TMEM217: variants seen among roughly 807,000 people sequenced by gnomAD.
TMEM217 encodes transmembrane protein 217.
For synonymous variants in TMEM217, 76 were observed against 88.3 expected (o/e 0.86, Z 0.78); for missense variants, 204 against 248.8 (o/e 0.82, Z 1.21).
chr6:37,228,428 G>A (rs1763965441), intron 1 of TMEM217, among the ~76,000 whole-genome samples: 1 of 152,216 alleles, frequency 6.6e-6, no homozygotes, highest in African/African-American at 2.4e-5. Context: ...ATAAGGCCAG[G>A]CGTGATGGCT....
At chr6:37,217,993 A>G (rs1763307450) in exon 2 of TMEM217, 2 of 989,888 alleles carry the variant, frequency 2.0e-6, no homozygotes, top group South Asian at 9.3e-5. Flanking sequence ...TTATAATCAC[A>G]TTTTCTCTTC....
At chr6:37,222,768 G>A (rs1763603720) in intron 1 of TMEM217, among the ~76,000 whole-genome samples, 1 of 152,218 alleles carries the variant, frequency 6.6e-6, no homozygotes, top group Non-Finnish European at 1.5e-5. Flanking sequence ...CTACGGCTTT[G>A]GTTTGGGCGG....
chr6:37,218,936 A>C (rs1418236144), exon 2 of TMEM217: 1 of 1,614,182 alleles, frequency 6.2e-7, no homozygotes, highest in South Asian at 1.1e-5. Context: ...CTTCTGTTCA[A>C]AGATGAGATA....
At chr6:37,213,073 A>G, downstream of TMEM217, 1 of 981,290 alleles carries the variant, frequency 1.0e-6, no homozygotes, top group East Asian at 2.6e-5. Context: ...GTCACTAGAT[A>G]TAAATCAGAG....
At position 37,257,767 on chromosome 6, in the gene TMEM217, T is replaced by C. The variant is rs903328116; in HGVS notation, c.-211A>G. The stretch of plus-strand genomic sequence containing the variant: ...ATGGCAGCGGTGCTGGGTGGAGGGG[T>C]GCCCACATCCAAGATGGCGTCCCCA... On this transcript the variant is annotated 5_prime_UTR_variant, in exon 1 of 2. Transcript: ENST00000357219. 3.8e-6 allele frequency: 3 copies of C among 787,146 alleles called. No individual in the cohort carries two copies. The African/African-American group carries it at 5.2e-5, about 14-fold the overall frequency. 48.8% of individuals were successfully genotyped at this position (787,146 alleles called of 1,614,324 possible). A position where few individuals can be genotyped will look rare whatever the true frequency, so the allele number is the denominator to read the frequency against.
chr6:37,242,784 T>C (rs556526025), intron 1 of TMEM217, among the ~76,000 whole-genome samples: 14 of 152,322 alleles, frequency 9.2e-5, no homozygotes, highest in African/African-American at 3.4e-4. Context: ...GGGCTCTAGG[T>C]TGGCATCTGT....
At chr6:37,246,082 G>A (rs1027638074) in intron 1 of TMEM217, among the ~76,000 whole-genome samples, 8 of 152,112 alleles carry the variant, frequency 5.3e-5, no homozygotes, top group Non-Finnish European at 7.4e-5. Context: ...GATTACAGGC[G>A]TGAGCCACTG....
chr6:37,245,768 C>T (rs1167675696), intron 1 of TMEM217, among the ~76,000 whole-genome samples: 1 of 150,110 alleles, frequency 6.7e-6, no homozygotes, highest in East Asian at 2.0e-4. Flanking sequence ...ATCTACTAGC[C>T]TCTCATTTTC....
At chr6:37,232,986 G>A (rs190764009) in intron 1 of TMEM217, among the ~76,000 whole-genome samples, 179 of 151,756 alleles carry the variant, frequency 1.2e-3, no homozygotes, top group African/African-American at 4.0e-3. Context: ...CCTCACTGTG[G>A]TTCTGCTGCC....
intron 1 of TMEM217, among the ~76,000 whole-genome samples, chr6:37,235,641 C>T (rs1396566297): frequency 6.6e-6 from 1 of 152,196 alleles, no homozygotes. Context: ...GCTGGGATTA[C>T]AGGCGTGAGC....
downstream of TMEM217, chr6:37,213,034 G>T: frequency 1.4e-6 from 2 of 1,382,114 alleles, no homozygotes; most frequent in Non-Finnish European, 2.0e-6. Context: ...TGACAAGATG[G>T]CAGAGGTAGC....
chr6:37,249,720 C>A (rs1051913428), intron 1 of TMEM217, among the ~76,000 whole-genome samples: 1 of 152,190 alleles, frequency 6.6e-6, no homozygotes, highest in Non-Finnish European at 1.5e-5. Context: ...TGACTTTGAA[C>A]CACCTTTTCC....
At chr6:37,237,550 A>G (rs1764564002) in intron 1 of TMEM217, among the ~76,000 whole-genome samples, 1 of 152,252 alleles carries the variant, frequency 6.6e-6, no homozygotes, top group Non-Finnish European at 1.5e-5. Flanking sequence ...CTAGAATCAT[A>G]TGCAAAGCTT....
intron 1 of TMEM217, among the ~76,000 whole-genome samples, chr6:37,221,178 T>C (rs981766308): frequency 2.6e-5 from 4 of 151,772 alleles, no homozygotes; most frequent in African/African-American, 9.7e-5. Context: ...GGACATGTCA[T>C]GTAAGTGGAG....
chr6:37,249,833 CAGTT>C, intron 1 of TMEM217, among the ~76,000 whole-genome samples: 2 of 152,320 alleles, frequency 1.3e-5, no homozygotes, highest in Middle Eastern at 3.4e-3. Flanking sequence ...CTTTGAAAAA[CAGTT>C]GGGCAGTATT....
intron 1 of TMEM217, among the ~76,000 whole-genome samples, chr6:37,222,614 T>G (rs1172071592): frequency 6.6e-6 from 1 of 152,176 alleles, no homozygotes; most frequent in Non-Finnish European, 1.5e-5. Context: ...CAGCTGCAGC[T>G]GCACCTGGGA....
chr6:37,245,730 CGAG>C (rs1583484247), intron 1 of TMEM217, among the ~76,000 whole-genome samples: 1 of 151,164 alleles, frequency 6.6e-6, no homozygotes, highest in African/African-American at 2.4e-5. Flanking sequence ...AGGAGGAGGA[CGAG>C]GAGGAGGAGG....
intron 1 of TMEM217, among the ~76,000 whole-genome samples, chr6:37,221,639 G>A (rs1406471356): frequency 6.6e-6 from 1 of 152,160 alleles, no homozygotes; most frequent in Admixed American, 6.6e-5. Context: ...GAAGAAACAG[G>A]AAACCATAGA....
intron 1 of TMEM217, among the ~76,000 whole-genome samples, chr6:37,234,754 T>A (rs766173146): frequency 6.6e-6 from 1 of 151,410 alleles, no homozygotes; most frequent in East Asian, 1.9e-4. Flanking sequence ...GAAAATAAAA[T>A]AAATATCGGT....
Sources: allele counts gnomAD v4.1 joint callset (sites outside exome capture counted in the v4.1 genomes callset), GRCh38; gene constraint gnomAD v4.1.1; transcripts MANE v1.5; gene names NCBI Gene and HGNC (gene_info 2026-07-23, HGNC 2026-07-21).